Variants in CCSER1 observed in about 807,000 individuals in gnomAD.
CCSER1 encodes coiled-coil serine rich protein 1.
CCSER1 carries 41 observed loss-of-function variants against 82.0 expected under a neutral mutation model. The observed-to-expected ratio is 0.50, with a 90% CI of 0.39 to 0.65. The LOEUF is 0.65. Ranked by LOEUF, CCSER1 falls within the 30% of genes least tolerant of loss-of-function variation. The probability of loss-of-function intolerance (pLI) is 0.00; values close to 1 mark genes in which losing one functional copy is unlikely to be tolerated. For synonymous variants in CCSER1, 414 were observed against 383.9 expected (o/e 1.08, Z -0.92); for missense variants, 1,119 against 1,064.2 (o/e 1.05, Z -0.72).
At chr4:90,597,346 T>C (rs1783463096) in intron 5 of CCSER1, among the ~76,000 whole-genome samples, 3 of 152,040 alleles carry the variant, frequency 2.0e-5, no homozygotes, top group African/African-American at 7.2e-5. Context: ...CTGCATTCAG[T>C]ATGTATTTTG....
At chr4:90,616,683 TCACA>T (rs56988615) in intron 5 of CCSER1, among the ~76,000 whole-genome samples, 10,820 of 119,900 alleles carry the variant, frequency 0.09, 439 homozygotes, top group Admixed American at 0.12. Context: ...TGGCTCTGTC[TCACA>T]CACACACACA....
intron 10 of CCSER1, among the ~76,000 whole-genome samples, chr4:91,431,097 G>A (rs963734744): frequency 6.6e-6 from 1 of 152,042 alleles, no homozygotes; most frequent in Admixed American, 6.6e-5. Context: ...TTAGCTGGGC[G>A]TGGTGGCGGG....
intron 10 of CCSER1, among the ~76,000 whole-genome samples, chr4:91,138,944 T>G (rs1728757807): frequency 6.6e-6 from 1 of 152,208 alleles, no homozygotes; most frequent in South Asian, 2.1e-4. Flanking sequence ...GCATATGGCA[T>G]GATGCTGAGG....
At chr4:91,221,801 A>T (rs1185741069) in intron 10 of CCSER1, among the ~76,000 whole-genome samples, 1 of 152,134 alleles carries the variant, frequency 6.6e-6, no homozygotes, top group African/African-American at 2.4e-5. Flanking sequence ...TGCTGGAAAC[A>T]GTCCATTAAT....
At chr4:90,129,328 G>T (rs1040083459) in intron 1 of CCSER1, among the ~76,000 whole-genome samples, 2 of 152,190 alleles carry the variant, frequency 1.3e-5, no homozygotes, top group African/African-American at 4.8e-5. Context: ...AATATAATTT[G>T]TCTTGGTTTC....
intron 3 of CCSER1, among the ~76,000 whole-genome samples, chr4:90,350,227 G>A (rs971628934): frequency 1.3e-5 from 2 of 152,068 alleles, no homozygotes; most frequent in African/African-American, 2.4e-5. Flanking sequence ...TATGAACTGA[G>A]CATTCAAATA....
chr4:90,845,918 A>G (rs762169324), intron 8 of CCSER1, among the ~76,000 whole-genome samples: 6 of 152,072 alleles, frequency 3.9e-5, no homozygotes, highest in Non-Finnish European at 8.8e-5. Flanking sequence ...CCAAGCCACT[A>G]TACAAATGCT....
chr4:91,046,685 GTTT>G (rs1157272867), intron 9 of CCSER1, among the ~76,000 whole-genome samples: 5 of 151,854 alleles, frequency 3.3e-5, no homozygotes, highest in Non-Finnish European at 5.9e-5. Flanking sequence ...AGGATAATAT[GTTT>G]TTTGTTGTTG....
chr4:90,344,789 G>T (rs1453557865), intron 3 of CCSER1, among the ~76,000 whole-genome samples: 2 of 152,076 alleles, frequency 1.3e-5, no homozygotes, highest in African/African-American at 4.8e-5. Flanking sequence ...ACCTCTGAAT[G>T]AATGTATGTG....
intron 10 of CCSER1, chr4:91,130,066 A>T (rs551656119): frequency 2.6e-5 from 4 of 152,070 alleles, no homozygotes; most frequent in South Asian, 4.1e-4. Context: ...AATTTTAAAT[A>T]TGTATTATTT....
chr4:90,441,320 A>C (rs1759845659), intron 4 of CCSER1, among the ~76,000 whole-genome samples: 1 of 152,070 alleles, frequency 6.6e-6, no homozygotes, highest in African/African-American at 2.4e-5. Flanking sequence ...TAAACAATAG[A>C]TATTTATTTT....
At chr4:90,573,359 A>G (rs537707916) in intron 5 of CCSER1, among the ~76,000 whole-genome samples, 2 of 152,344 alleles carry the variant, frequency 1.3e-5, no homozygotes, top group African/African-American at 4.8e-5. Context: ...CTGTCCTGGA[A>G]TATGGGACTA....
At chr4:91,080,433 T>C (rs982548110) in intron 9 of CCSER1, among the ~76,000 whole-genome samples, 1 of 152,182 alleles carries the variant, frequency 6.6e-6, no homozygotes, top group African/African-American at 2.4e-5. Context: ...TAGAGGTAAA[T>C]TAATAGCACT....
At chr4:91,024,279 AC>A (rs1740290746) in intron 9 of CCSER1, among the ~76,000 whole-genome samples, 1 of 152,194 alleles carries the variant, frequency 6.6e-6, no homozygotes, top group Non-Finnish European at 1.5e-5. Context: ...GTGTTTACAA[AC>A]TTTTACAAAA....
chr4:90,520,634 A>T (rs762931050), intron 5 of CCSER1, among the ~76,000 whole-genome samples: 10 of 152,210 alleles, frequency 6.6e-5, no homozygotes, highest in South Asian at 2.1e-4. Context: ...TTATTTTAAC[A>T]TTAAAAGAAA....
At chr4:90,669,771 T>C (rs1428678719) in intron 6 of CCSER1, among the ~76,000 whole-genome samples, 1 of 152,112 alleles carries the variant, frequency 6.6e-6, no homozygotes, top group Non-Finnish European at 1.5e-5. Flanking sequence ...TGCTTGTAGA[T>C]ATAAGTTATA....
At chr4:91,065,172 A>G (rs1417598169) in intron 9 of CCSER1, among the ~76,000 whole-genome samples, 2 of 152,114 alleles carry the variant, frequency 1.3e-5, no homozygotes, top group Non-Finnish European at 2.9e-5. Context: ...AAGGAAAGAG[A>G]ATGTGAGTTC....
intron 5 of CCSER1, among the ~76,000 whole-genome samples, chr4:90,533,375 G>T (rs932258767): frequency 1.3e-5 from 2 of 152,234 alleles, no homozygotes; most frequent in African/African-American, 4.8e-5. Context: ...GATTACAGGC[G>T]TGAGCCACTG....
At chr4:90,965,054 A>G (rs1019924572) in intron 9 of CCSER1, among the ~76,000 whole-genome samples, 1 of 152,044 alleles carries the variant, frequency 6.6e-6, no homozygotes, top group African/African-American at 2.4e-5. Flanking sequence ...CAATATTTGA[A>G]TTGTCTACCA....
Sources: gnomAD v4.1 joint callset for allele counts (sites outside exome capture counted in the v4.1 genomes callset) on GRCh38, gnomAD v4.1.1 for gene constraint, MANE v1.5 for transcripts, NCBI Gene and HGNC (gene_info 2026-07-23, HGNC 2026-07-21) for gene names.